The following ADGRG2 variants were observed in gnomAD, a reference collection of about 807,000 sequenced individuals.
The protein encoded by ADGRG2 is G protein-coupled receptor 64.
Under a neutral mutation model 74.1 loss-of-function variants are expected in ADGRG2, and 26 were observed. The observed-to-expected ratio is 0.35, with a 90% CI of 0.26 to 0.49. The LOEUF (loss-of-function observed/expected upper bound fraction) is 0.49, where lower values mean the gene tolerates loss of function less well. Ranked by LOEUF, ADGRG2 falls within the 20% of genes least tolerant of loss-of-function variation. The probability of loss-of-function intolerance (pLI) is 0.99; values close to 1 mark genes in which losing one functional copy is unlikely to be tolerated. For synonymous variants in ADGRG2, 296 were observed against 295.2 expected, an observed-to-expected ratio of 1.00 and a Z score of -0.03; for missense variants, 619 against 763.1, an observed-to-expected ratio of 0.81 and a Z score of 2.22.
chrX:19,099,674 G>A (rs1337635389), intron 1 of ADGRG2, among the ~76,000 whole-genome samples: 2 of 111,996 alleles, frequency 1.8e-5, no homozygotes, highest in Non-Finnish European at 3.8e-5. Flanking sequence ...TTAGAAGCTC[G>A]TCACGCTAAA....
At chrX:19,102,960 G>A (rs1402969706) in intron 1 of ADGRG2, among the ~76,000 whole-genome samples, 2 of 111,650 alleles carry the variant, frequency 1.8e-5, no homozygotes, top group Non-Finnish European at 3.8e-5. Context: ...GAAAGTTACA[G>A]GGTAGTGTCA....
intron 1 of ADGRG2, among the ~76,000 whole-genome samples, chrX:19,122,180 C>CCCGCG (rs1447078706): frequency 1.1e-4 from 12 of 112,829 alleles, no homozygotes; most frequent in African/African-American, 3.8e-4. Context: ...CCCTTGGAGC[C>CCCGCG]TCCTTTCCCA....
chrX:19,086,740 C>T (rs1366306698), intron 1 of ADGRG2, among the ~76,000 whole-genome samples: 1 of 111,131 alleles, frequency 9.0e-6, no homozygotes, highest in East Asian at 2.9e-4. Flanking sequence ...GAAGGACCAA[C>T]CAAAAAAACC....
At chrX:19,003,199 C>G (rs1039914581) in intron 23 of ADGRG2, 85 bp from the exon 24 acceptor site, 9 of 704,555 alleles carry the variant, frequency 1.3e-5, no homozygotes, top group Non-Finnish European at 2.0e-5. Context: ...AGGTCTGGCT[C>G]TGTCACCCAG....
At chrX:19,060,087 G>A (rs1371204858) in intron 3 of ADGRG2, among the ~76,000 whole-genome samples, 1 of 111,772 alleles carries the variant, frequency 8.9e-6, no homozygotes, top group Non-Finnish European at 1.9e-5. Flanking sequence ...ATCCGAGATC[G>A]CGCCACTGCA....
At chrX:19,034,912 T>C (rs1297613222) in intron 7 of ADGRG2, 1 of 109,759 alleles carries the variant, frequency 9.1e-6, no homozygotes, top group Non-Finnish European at 1.9e-5. Context: ...CCAGCCTGGA[T>C]GACAGAGAGA....
chrX:19,045,292 T>C (rs1255948606), intron 3 of ADGRG2, among the ~76,000 whole-genome samples: 1 of 87,975 alleles, frequency 1.1e-5, no homozygotes, highest in Non-Finnish European at 2.1e-5. Context: ...ATGGGGGGTG[T>C]TGTTATTATT....
At chrX:18,998,872 C>A in intron 26 of ADGRG2, 124 bp downstream of exon 26, 1 of 539,331 alleles carries the variant, frequency 1.9e-6, no homozygotes, top group Non-Finnish European at 3.1e-6. Flanking sequence ...GCAATATTTG[C>A]TTTATTGTAG....
chrX:18,997,947 C>T (rs914513091), intron 26 of ADGRG2, among the ~76,000 whole-genome samples: 4 of 112,884 alleles, frequency 3.5e-5, no homozygotes, highest in African/African-American at 1.3e-4. Flanking sequence ...GCCTGCTGGG[C>T]TTTTAATGCC....
intron 3 of ADGRG2, among the ~76,000 whole-genome samples, chrX:19,043,593 T>C (rs934135911): frequency 9.0e-6 from 1 of 111,644 alleles, no homozygotes; most frequent in Admixed American, 9.5e-5. Context: ...TCTATAAAAT[T>C]TACTCAGTAT....
At chrX:19,114,127 T>C (rs780095888) in intron 1 of ADGRG2, among the ~76,000 whole-genome samples, 1 of 96,239 alleles carries the variant, frequency 1.0e-5, no homozygotes, top group Non-Finnish European at 2.1e-5. Context: ...ACAAAGAGGA[T>C]GAGGGACCCA....
intron 1 of ADGRG2, among the ~76,000 whole-genome samples, chrX:19,096,539 C>G (rs771988444): frequency 8.9e-6 from 1 of 111,757 alleles, no homozygotes; most frequent in East Asian, 2.8e-4. Context: ...TGTACAATAT[C>G]TCAAAAGATC....
chrX:19,054,402 G>A (rs186270031), intron 3 of ADGRG2, among the ~76,000 whole-genome samples: 29 of 112,028 alleles, frequency 2.6e-4, no homozygotes, highest in Non-Finnish European at 3.8e-4. Context: ...CTCCCTAGGG[G>A]TCACAGGCTG....
intron 20 of ADGRG2, among the ~76,000 whole-genome samples, chrX:19,006,818 G>A (rs1479077279): frequency 9.8e-6 from 1 of 102,521 alleles, no homozygotes; most frequent in African/African-American, 3.7e-5. Context: ...GAATGCAGTG[G>A]CCCCAACATA....
intron 3 of ADGRG2, among the ~76,000 whole-genome samples, chrX:19,064,503 C>T (rs935763696): frequency 8.9e-6 from 1 of 111,816 alleles, no homozygotes; most frequent in Non-Finnish European, 1.9e-5. Flanking sequence ...CAGGTCAGTC[C>T]CCTTGGCCTT....
chrX:19,049,441 T>TTTTTTTTTTTTTTTG (rs2061265614), intron 3 of ADGRG2, among the ~76,000 whole-genome samples: 1 of 98,511 alleles, frequency 1.0e-5, no homozygotes, highest in African/African-American at 4.2e-5. Context: ...TTTTTGTGTT[T>TTTTTTTTTTTTTTTG]TTTTTTTTTT....
At chrX:19,088,248 C>T (rs2146982319) in intron 1 of ADGRG2, among the ~76,000 whole-genome samples, 1 of 112,467 alleles carries the variant, frequency 8.9e-6, no homozygotes, top group Non-Finnish European at 1.9e-5. Flanking sequence ...GCAAGTCTGA[C>T]ATTAAGCTAT....
At chrX:19,060,234 A>C (rs967430632) in intron 3 of ADGRG2, among the ~76,000 whole-genome samples, 1 of 113,044 alleles carries the variant, frequency 8.8e-6, no homozygotes, top group Non-Finnish European at 1.9e-5. Flanking sequence ...GGGATTTGCC[A>C]GTCGGCAAGA....
intron 1 of ADGRG2, among the ~76,000 whole-genome samples, chrX:19,106,273 G>A (rs1043528784): frequency 1.8e-5 from 2 of 111,152 alleles, no homozygotes; most frequent in Admixed American, 1.9e-4. Flanking sequence ...CCTGCAGCAT[G>A]GATGTGTAAA....
Sources: gnomAD v4.1 joint callset for allele counts (sites outside exome capture counted in the v4.1 genomes callset) on GRCh38, gnomAD v4.1.1 for gene constraint, MANE v1.5 for transcripts, NCBI Gene and HGNC (gene_info 2026-07-23, HGNC 2026-07-21) for gene names.